Variants in ITGA8 observed in about 807,000 individuals in gnomAD.
ITGA8 encodes integrin alpha-8.
In ITGA8, 91 loss-of-function variants were observed where a neutral mutation model predicts 142.3. The observed-to-expected ratio is 0.64, with a 90% CI of 0.54 to 0.76. The LOEUF (loss-of-function observed/expected upper bound fraction) is 0.76. ITGA8 is among the 30% of genes least tolerant of loss of function. The pLI is 0.00. For missense variants in ITGA8, 1,406 were observed against 1,327.7 expected, an observed-to-expected ratio of 1.06 and a Z score of -0.92; for synonymous variants, 505 against 485.2, an observed-to-expected ratio of 1.04 and a Z score of -0.54.
intron 19 of ITGA8, among the ~76,000 whole-genome samples, chr10:15,605,108 C>T (rs1379311926): frequency 6.6e-6 from 1 of 152,058 alleles, no homozygotes; most frequent in Admixed American, 6.6e-5. Context: ...GAAAGAAACA[C>T]AAATCTGTTT....
intron 2 of ITGA8, among the ~76,000 whole-genome samples, chr10:15,693,272 C>T (rs563001231): frequency 6.6e-6 from 1 of 152,136 alleles, no homozygotes; most frequent in South Asian, 2.1e-4. Flanking sequence ...ATTTTTTCTT[C>T]CTTGACTTTA....
intron 7 of ITGA8, among the ~76,000 whole-genome samples, chr10:15,672,117 C>G (rs770709633): frequency 6.6e-6 from 1 of 152,142 alleles, no homozygotes; most frequent in African/African-American, 2.4e-5. Context: ...TAGTTTAGCT[C>G]TAAAGTGAGG....
chr10:15,704,198 T>C (rs1022833270), intron 2 of ITGA8, among the ~76,000 whole-genome samples: 1 of 152,222 alleles, frequency 6.6e-6, no homozygotes, highest in Non-Finnish European at 1.5e-5. Context: ...TCCCTAGTTA[T>C]GGTCAACATT....
chr10:15,671,665 A>G lies in ITGA8; in HGVS notation c.803-18T>C. On this transcript the variant is annotated intron_variant, in intron 7 of 29. Coordinates refer to ENST00000378076, the MANE Select transcript of ITGA8 (RefSeq NM_003638.3). Reference sequence around the variant, plus strand: ...TGAGTATCCTGTTTTAAAGAAAAAGAAACAAACTAATCACACTTAATGACT... The same window carrying G: ...TGAGTATCCTGTTTTAAAGAAAAAGGAACAAACTAATCACACTTAATGACT... 1.2e-6 allele frequency: 2 copies of G among 1,600,258 alleles called. No individual in the cohort carries two copies. Among genetic ancestry groups the G allele is most frequent in the Non-Finnish European group, 1.7e-6 (2 of 1,167,658 alleles).
chr10:15,695,813 G>A (rs973559476), intron 2 of ITGA8, among the ~76,000 whole-genome samples: 1 of 152,166 alleles, frequency 6.6e-6, no homozygotes, highest in Non-Finnish European at 1.5e-5. Context: ...GAAGCATGTG[G>A]ACATCAGCGG....
At chr10:15,709,759 C>T (rs902981005) in intron 2 of ITGA8, among the ~76,000 whole-genome samples, 2 of 152,214 alleles carry the variant, frequency 1.3e-5, no homozygotes, top group Non-Finnish European at 2.9e-5. Context: ...GCTCTTGAAA[C>T]TGCCATGTCA....
Position 15,632,988 on chromosome 10 carries a change from C to A in ITGA8, c.1399+11042G>T, listed in dbSNP as rs77667311. 6.6e-3 allele frequency among the ~76,000 whole-genome samples: 1,001 copies of A among 152,272 alleles called. 10 individuals carry two copies. Among genetic ancestry groups the A allele is most frequent in the African/African-American group, 0.023 (971 of 41,554 alleles). Reference sequence around the variant, plus strand: ...ACGTGGTTCATCTCATTATCCTCCCCTGGGATACTTTAATGACTTTTGATT... The same window carrying A: ...ACGTGGTTCATCTCATTATCCTCCCATGGGATACTTTAATGACTTTTGATT... On this transcript the variant is annotated intron_variant, in intron 13 of 29. Coordinates refer to ENST00000378076, the MANE Select transcript of ITGA8 (RefSeq NM_003638.3).
chr10:15,527,394 TC>T (rs1833195578), intron 28 of ITGA8, among the ~76,000 whole-genome samples: 1 of 152,172 alleles, frequency 6.6e-6, no homozygotes, highest in Admixed American at 6.5e-5. Flanking sequence ...CACAAGACAC[TC>T]CCACTTTCTG....
intron 13 of ITGA8, among the ~76,000 whole-genome samples, chr10:15,620,043 G>A (rs962544088): frequency 1.4e-4 from 22 of 152,224 alleles, no homozygotes; most frequent in African/African-American, 5.1e-4. Flanking sequence ...GAATCTTTAC[G>A]TTTGCACATC....
At chr10:15,678,189 TAATGATAAAAAG>T (rs143586131) in intron 5 of ITGA8, among the ~76,000 whole-genome samples, 107,145 of 151,702 alleles carry the variant, frequency 0.71, 38,685 homozygotes, top group Middle Eastern at 0.88. Context: ...AACAAAAAAG[TAATGATAAAAAG>T]AATGATAAAA....
At chr10:15,598,192 G>C (rs1009077178) in intron 20 of ITGA8, among the ~76,000 whole-genome samples, 2 of 151,998 alleles carry the variant, frequency 1.3e-5, no homozygotes, top group African/African-American at 2.4e-5. Context: ...CATCACCTTT[G>C]TTCCAAAAGG....
chr10:15,590,629 G>A (rs1832906957), intron 22 of ITGA8, among the ~76,000 whole-genome samples: 1 of 152,006 alleles, frequency 6.6e-6, no homozygotes, highest in South Asian at 2.1e-4. Flanking sequence ...GACGTGTTTT[G>A]TTTGTTTTTG....
rs375295518 is a variant in ITGA8 at position 15,655,332 on chromosome 10, T to C, written c.1001+22A>G. 30 of 1,461,862 alleles carry C rather than the reference T, an allele frequency of 2.1e-5. No individual in the cohort carries two copies. The African/African-American group carries it at 3.9e-4, about 19-fold the overall frequency. The allele number at this position is 1,461,862 out of a possible 1,614,324, so 90.6% of individuals were successfully genotyped here. A position where few individuals can be genotyped will look rare whatever the true frequency, so the allele number is the denominator to read the frequency against. Reference sequence around the variant, plus strand: ...ATGGATGAATGTAATATATTGTATATGAGAGAGGTCTATAAACTTACCCAT... The same window carrying C: ...ATGGATGAATGTAATATATTGTATACGAGAGAGGTCTATAAACTTACCCAT... On this transcript the variant is annotated intron_variant, in intron 11 of 29. Transcript: ENST00000378076.
intron 4 of ITGA8, among the ~76,000 whole-genome samples, chr10:15,683,648 TA>T (rs1482330860): frequency 1.3e-5 from 2 of 152,240 alleles, no homozygotes; most frequent in African/African-American, 4.8e-5. Flanking sequence ...CCATGCTAGC[TA>T]ACACCGTTTT....
intron 28 of ITGA8, among the ~76,000 whole-genome samples, chr10:15,519,953 G>C (rs935605597): frequency 6.6e-6 from 1 of 152,236 alleles, no homozygotes; most frequent in South Asian, 2.1e-4. Context: ...TTCACACAAC[G>C]AATTAGTGTC....
At chr10:15,541,647 G>A (rs1053580514) in intron 27 of ITGA8, among the ~76,000 whole-genome samples, 1 of 152,162 alleles carries the variant, frequency 6.6e-6, no homozygotes, top group African/African-American at 2.4e-5. Flanking sequence ...AGTATCCTGT[G>A]TCAGGTGATA....
At chr10:15,607,936 T>A in intron 16 of ITGA8, 105 bp from the exon 17 acceptor site, 1 of 983,216 alleles carries the variant, frequency 1.0e-6, no homozygotes, top group East Asian at 2.5e-5. Flanking sequence ...ACAGTTCTTT[T>A]TCATAGTTGA....
chr10:15,692,126 T>A (rs1283315525), intron 2 of ITGA8, among the ~76,000 whole-genome samples: 2 of 151,888 alleles, frequency 1.3e-5, no homozygotes, highest in Non-Finnish European at 2.9e-5. Context: ...AGAGGCAAGG[T>A]TTTGCTATGT....
At chr10:15,561,515 G>A (rs1439192034) in intron 25 of ITGA8, among the ~76,000 whole-genome samples, 2 of 152,026 alleles carry the variant, frequency 1.3e-5, no homozygotes, top group African/African-American at 4.8e-5. Context: ...AAATGGAAGG[G>A]GAAAGAGGTC....
Sources: allele counts gnomAD v4.1 joint callset (sites outside exome capture counted in the v4.1 genomes callset), GRCh38; gene constraint gnomAD v4.1.1; transcripts MANE v1.5; gene names NCBI Gene and HGNC (gene_info 2026-07-23, HGNC 2026-07-21).